Variants in CPEB3 observed in about 807,000 individuals in gnomAD.
CPEB3 encodes the protein cytoplasmic polyadenylation element binding protein 3.
CPEB3 carries 20 observed loss-of-function variants against 67.2 expected under a neutral mutation model. The ratio of observed to expected loss-of-function variants is 0.30; its 90% CI spans 0.21 to 0.43. The LOEUF is 0.43. CPEB3 is among the 20% of genes least tolerant of loss of function. The pLI is 1.00. For missense variants in CPEB3, 746 were observed against 968.6 expected (o/e 0.77, Z 3.05); for synonymous variants, 376 against 393.1 (o/e 0.96, Z 0.51).
At chr10:92,213,776 C>G (rs938607788) in intron 2 of CPEB3, among the ~76,000 whole-genome samples, 1 of 152,088 alleles carries the variant, frequency 6.6e-6, no homozygotes, top group Admixed American at 6.6e-5. Flanking sequence ...TGTTAAAGCC[C>G]AACAACTAGG....
At chr10:92,280,753 CTTTTTTTT>C (rs948586177) in intron 1 of CPEB3, among the ~76,000 whole-genome samples, 1 of 91,668 alleles carries the variant, frequency 1.1e-5, no homozygotes, top group East Asian at 3.7e-4. Context: ...AGCATCTATT[CTTTTTTTT>C]TTTTTTTTTT....
In CPEB3 at chr10:92,049,625, C is replaced by A. The variant is rs1852215029; in HGVS notation, c.*2587G>T. 6.6e-6 allele frequency: 1 copy of A among 152,568 alleles called. No homozygotes were observed. The highest frequency in any genetic ancestry group is 6.5e-5 in the Admixed American group (1 of 15,276). 9.5% of individuals were successfully genotyped at this position (152,568 alleles called of 1,614,324 possible). A position where few individuals can be genotyped will look rare whatever the true frequency, so the allele number is the denominator to read the frequency against. ...CAAATTAAGGGAAAGTAGTTTCCAC[C>A]ATCTATTCACAACTTTCAGCACCAA... On this transcript the variant is annotated 3_prime_UTR_variant, in exon 10 of 10. Coordinates refer to ENST00000265997, the MANE Select transcript of CPEB3 (RefSeq NM_014912.5).
At chr10:92,223,164 T>A (rs1850782785) in intron 2 of CPEB3, among the ~76,000 whole-genome samples, 1 of 152,138 alleles carries the variant, frequency 6.6e-6, no homozygotes, top group South Asian at 2.1e-4. Context: ...TTTAGGAAAA[T>A]CAGGCTAGAG....
At chr10:92,222,820 C>T (rs1301461301) in intron 2 of CPEB3, among the ~76,000 whole-genome samples, 2 of 152,170 alleles carry the variant, frequency 1.3e-5, no homozygotes, top group Non-Finnish European at 1.5e-5. Context: ...CTACACACCC[C>T]AAGCTGCAAA....
chr10:92,230,328 T>A (rs1396902554), intron 2 of CPEB3, among the ~76,000 whole-genome samples: 3 of 152,188 alleles, frequency 2.0e-5, no homozygotes, highest in African/African-American at 7.2e-5. Flanking sequence ...GGCCACACAA[T>A]AGTCCTATGC....
chr10:92,278,792 G>T (rs1564928888), intron 1 of CPEB3, among the ~76,000 whole-genome samples: 2 of 151,658 alleles, frequency 1.3e-5, no homozygotes, highest in Non-Finnish European at 2.9e-5. Flanking sequence ...GTAGAGACAG[G>T]ATTTCACCAT....
chr10:92,210,930 G>A (rs1850049893), intron 2 of CPEB3, among the ~76,000 whole-genome samples: 1 of 152,200 alleles, frequency 6.6e-6, no homozygotes, highest in Non-Finnish European at 1.5e-5. Context: ...CCACTACTCA[G>A]GAGGCTGAGG....
At chr10:92,069,954 T>C (rs1842693457) in intron 9 of CPEB3, among the ~76,000 whole-genome samples, 1 of 152,134 alleles carries the variant, frequency 6.6e-6, no homozygotes, top group Non-Finnish European at 1.5e-5. Context: ...CACTACTACA[T>C]GGACATGCAG....
chr10:92,270,166 G>A (rs1002434870), intron 1 of CPEB3, among the ~76,000 whole-genome samples: 10 of 152,152 alleles, frequency 6.6e-5, no homozygotes, highest in African/African-American at 2.4e-4. Context: ...ATCTCTTATG[G>A]ACATTAATTT....
At chr10:92,276,428 G>A (rs1841991972) in intron 1 of CPEB3, among the ~76,000 whole-genome samples, 1 of 151,832 alleles carries the variant, frequency 6.6e-6, no homozygotes, top group East Asian at 1.9e-4. Context: ...ACAGGCACCT[G>A]CCACCATGCC....
At chr10:92,106,830 A>G (rs1348825393) in intron 7 of CPEB3, among the ~76,000 whole-genome samples, 2 of 150,510 alleles carry the variant, frequency 1.3e-5, no homozygotes, top group South Asian at 2.1e-4. Context: ...AAAAAAAAAA[A>G]AAAAAAAAAA....
At chr10:92,215,800 G>A (rs1850348344) in intron 2 of CPEB3, among the ~76,000 whole-genome samples, 1 of 141,314 alleles carries the variant, frequency 7.1e-6, no homozygotes, top group Admixed American at 7.6e-5. Flanking sequence ...CCAGGCTGGA[G>A]TGCAGTGGCA....
chr10:92,289,732 A>AAAAAAAT lies in CPEB3; in HGVS notation c.-12+1193_-12+1194insATTTTTT. ...CGCGTCTCTACCAAAAAAAAAAAAA[A>AAAAAAAT]ATATATATATATATATATATATATA... is the stretch of plus-strand genomic sequence containing the variant. On this transcript the variant is annotated intron_variant, in intron 1 of 9. Coordinates refer to ENST00000265997, the MANE Select transcript of CPEB3 (RefSeq NM_014912.5). Among the ~76,000 whole-genome samples the AAAAAAAT allele has an allele frequency of 3.5e-3, 266 of 75,718 alleles. 9 individuals are homozygous for AAAAAAAT. Among genetic ancestry groups the AAAAAAAT allele is most frequent in the Non-Finnish European group, 5.5e-3 (215 of 39,056 alleles). The allele number at this position is 75,718 out of a possible 152,430, so 49.7% of individuals were successfully genotyped here. A position where few individuals can be genotyped will look rare whatever the true frequency, so the allele number is the denominator to read the frequency against.
intron 4 of CPEB3, among the ~76,000 whole-genome samples, chr10:92,178,284 G>A (rs1171200096): frequency 1.3e-5 from 2 of 151,568 alleles, no homozygotes; most frequent in Non-Finnish European, 2.9e-5. Context: ...TCAGCCTCCT[G>A]AGCATCTGGG....
chr10:92,174,813 CTT>C lies in CPEB3; in HGVS notation c.1222+6148_1222+6149del, dbSNP rs550385342. Among the ~76,000 whole-genome samples, 6 of 152,194 alleles carry C rather than the reference CTT, an allele frequency of 3.9e-5. No individual in the cohort carries two copies. In the East Asian group the frequency reaches 1.2e-3, roughly 29 times the overall value. On this transcript the variant is annotated intron_variant, in intron 4 of 9. Transcript: ENST00000265997. ...TCTCGGAAAAGGAATGGCAGGAAAA[CTT>C]TTAATTTAAACAATATTGAATCTCT...
intron 9 of CPEB3, among the ~76,000 whole-genome samples, chr10:92,074,865 T>C (rs1381243404): frequency 2.0e-5 from 3 of 152,138 alleles, no homozygotes; most frequent in Non-Finnish European, 2.9e-5. Context: ...TGGGGAGCCA[T>C]AGGGGAAGAT....
chr10:92,194,947 G>T (rs1334333246), intron 2 of CPEB3, among the ~76,000 whole-genome samples: 1 of 151,938 alleles, frequency 6.6e-6, no homozygotes, highest in Non-Finnish European at 1.5e-5. Flanking sequence ...GGGAGGCTAA[G>T]GCAGGAGAAT....
chr10:92,166,637 C>T (rs1033188871), intron 4 of CPEB3, among the ~76,000 whole-genome samples: 1 of 152,174 alleles, frequency 6.6e-6, no homozygotes, highest in Non-Finnish European at 1.5e-5. Flanking sequence ...TGCTGTTAAA[C>T]AGATGTGCTG....
intron 9 of CPEB3, among the ~76,000 whole-genome samples, chr10:92,052,719 C>T (rs919044713): frequency 6.6e-6 from 1 of 152,186 alleles, no homozygotes; most frequent in Non-Finnish European, 1.5e-5. Flanking sequence ...AAACACATTA[C>T]ACACACACAT....
Sources: allele counts gnomAD v4.1 joint callset (sites outside exome capture counted in the v4.1 genomes callset), GRCh38; gene constraint gnomAD v4.1.1; transcripts MANE v1.5; gene names NCBI Gene and HGNC (gene_info 2026-07-23, HGNC 2026-07-21).